GALR3: variants seen among roughly 807,000 people sequenced by gnomAD.
GALR3 encodes the protein galanin receptor type 3.
GALR3 carries 5 observed loss-of-function variants against 6.9 expected under a neutral mutation model. The ratio of observed to expected loss-of-function variants is 0.72; its 90% CI spans 0.38 to 1.52. The LOEUF is 1.52. Ranked by LOEUF, GALR3 falls within the 40% of genes most tolerant of loss-of-function variation. The pLI is 0.03. For missense variants in GALR3, 570 were observed against 545.6 expected, an observed-to-expected ratio of 1.04 and a Z score of -0.44; for synonymous variants, 308 against 263.6, an observed-to-expected ratio of 1.17 and a Z score of -1.63.
At position 37,824,743 on chromosome 22, in the gene GALR3, C is replaced by G. The variant is rs1922545020; in HGVS notation, c.380C>G (p.Pro127Arg). 6 of 1,239,062 alleles carry G rather than the reference C, an allele frequency of 4.8e-6. No homozygotes were observed. Among genetic ancestry groups the G allele is most frequent in the Non-Finnish European group, 6.1e-6 (6 of 991,354 alleles). The allele number at this position is 1,239,062 out of a possible 1,614,324, so 76.8% of individuals were successfully genotyped here. A position where few individuals can be genotyped will look rare whatever the true frequency, so the allele number is the denominator to read the frequency against. The change falls in exon 2 of 2, where the codon CCG becomes CGG. Residue 127 changes from proline to arginine, a missense_variant. Pro to Arg is a moderately radical substitution (Grantham distance 103, BLOSUM62 -2). Coordinates refer to ENST00000249041, the MANE Select transcript of GALR3 (RefSeq NM_003614.2). ...SVDRYLAVRHPLRSRALRTPR... is the reference protein window; with the variant it reads ...SVDRYLAVRHRLRSRALRTPR... ...CGCAGGTACCTGGCCGTGCGGCACC[C>G]GCTGCGCTCGCGCGCCCTGCGCACG...
chr22:37,823,690 G>A lies in GALR3; in HGVS notation c.284G>A (p.Cys95Tyr), dbSNP rs1293655154. ...LDAWLFGALV[C>Y]KAVHLLIYLT... ...GCCTGGCTCTTTGGGGCCCTCGTCTGCAAGGCCGTGCACCTGCTCATCTAC... is the reference window on the plus strand; with the variant it reads ...GCCTGGCTCTTTGGGGCCCTCGTCTACAAGGCCGTGCACCTGCTCATCTAC... The change falls in exon 1 of 2, where the codon TGC (cysteine) becomes TAC (tyrosine). Residue 95 changes from cysteine (C) to tyrosine (Y), a missense_variant. Cys to Tyr is a radical substitution (Grantham distance 194, BLOSUM62 -2). Coordinates refer to ENST00000249041, the MANE Select transcript of GALR3 (RefSeq NM_003614.2). 1.2e-6 allele frequency: 2 copies of A among 1,613,792 alleles called. No individual in the cohort carries two copies. Among genetic ancestry groups the A allele is most frequent in the South Asian group, 1.1e-5 (1 of 91,076 alleles).
rs760511073 is a variant in GALR3 at position 37,825,096 on chromosome 22, G to C, written c.733G>C (p.Ala245Pro). Residue 245 changes from alanine to proline, a missense_variant, in exon 2 of 2, where the codon GCG (alanine) becomes CCG (proline). By Grantham distance (27) the Ala-to-Pro change is conservative. Transcript: ENST00000249041. ...CATGCTGGCGGTGGCCGCGCTCTAC[G>C]CGCTCTGCTGGGGTCCGCACCACGC... ...RAMLAVAALY[A>P]LCWGPHHALI... 19 of 1,259,468 alleles carry C rather than the reference G, an allele frequency of 1.5e-5. No individual in the cohort carries two copies. Among genetic ancestry groups the C allele is most frequent in the Non-Finnish European group, 1.9e-5 (19 of 991,092 alleles). 78.0% of individuals were successfully genotyped at this position (1,259,468 alleles called of 1,614,324 possible). A position where few individuals can be genotyped will look rare whatever the true frequency, so the allele number is the denominator to read the frequency against.
Position 37,823,532 on chromosome 22 carries a change from C to G in GALR3, c.126C>G (p.Leu42=). The G allele has an allele frequency of 6.2e-7, 1 of 1,613,910 alleles. No individual in the cohort carries two copies. The highest frequency in any genetic ancestry group is 8.5e-7 in the Non-Finnish European group (1 of 1,179,932). ...GCAATGGGCTGGTGCTGGCAGTGCTCCTGCAGCCTGGCCCGAGTGCCTGGC... is the reference window on the plus strand; with the variant it reads ...GCAATGGGCTGGTGCTGGCAGTGCTGCTGCAGCCTGGCCCGAGTGCCTGGC... ...TVGNGLVLAV[L]LQPGPSAWQE... is the part of the protein sequence containing the mutation. The change falls in exon 1 of 2, where the codon CTC becomes CTG. Residue 42 remains leucine, a synonymous_variant. Transcript: ENST00000249041.
Position 37,825,161 on chromosome 22 carries a change from C to T in GALR3, c.798C>T (p.Ser266=). 1.3e-6 allele frequency: 2 copies of T among 1,487,572 alleles called. No individual in the cohort carries two copies. Among genetic ancestry groups the T allele is most frequent in the East Asian group, 2.8e-5 (1 of 35,412 alleles). 92.1% of individuals were successfully genotyped at this position (1,487,572 alleles called of 1,614,324 possible). ...LCFWYGRFAF[S]PATYACRLAS... is the part of the protein sequence containing the mutation. ...TCTGGTACGGCCGCTTCGCCTTCAG[C>T]CCGGCCACCTACGCCTGCCGCCTGG... Residue 266 remains serine (S), a synonymous_variant, in exon 2 of 2, where the codon AGC becomes AGT. Coordinates refer to ENST00000249041, the MANE Select transcript of GALR3 (RefSeq NM_003614.2).
In GALR3 at chr22:37,823,648, C is replaced by T; in HGVS notation, c.242C>T (p.Thr81Ile). ...FILCCVPFQA[T>I]IYTLDAWLFG... is the part of the protein sequence containing the mutation. ...CTGTGCTGCGTGCCCTTCCAGGCCACCATCTACACGCTGGATGCCTGGCTC... is the reference window on the plus strand; with the variant it reads ...CTGTGCTGCGTGCCCTTCCAGGCCATCATCTACACGCTGGATGCCTGGCTC... The change falls in exon 1 of 2, where the codon ACC becomes ATC. Residue 81 changes from threonine (T) to isoleucine (I), a missense_variant. Physicochemically the swap from Thr to Ile is moderately conservative, Grantham distance 89. Transcript: ENST00000249041. The T allele has an allele frequency of 6.2e-7, 1 of 1,613,082 alleles. No individual in the cohort carries two copies. Among genetic ancestry groups the T allele is most frequent in the Non-Finnish European group, 8.5e-7 (1 of 1,179,612 alleles).
chr22:37,825,188 C>T lies in GALR3; in HGVS notation c.825C>T (p.Ala275=), dbSNP rs1922572106. ...CGGCCACCTACGCCTGCCGCCTGGC[C>T]TCACACTGCCTGGCCTACGCCAACT... ...FSPATYACRL[A]SHCLAYANSC... is the part of the protein sequence containing the mutation. The change falls in exon 2 of 2, where the codon GCC becomes GCT. Residue 275 remains alanine (A), a synonymous_variant. Transcript: ENST00000249041. The T allele has an allele frequency of 4.7e-6, 7 of 1,492,164 alleles. No homozygotes were observed. Among genetic ancestry groups the T allele is most frequent in the South Asian group, 1.2e-5 (1 of 83,318 alleles). The allele number at this position is 1,492,164 out of a possible 1,614,324, so 92.4% of individuals were successfully genotyped here. A position where few individuals can be genotyped will look rare whatever the true frequency, so the allele number is the denominator to read the frequency against.
chr22:37,823,453 G>A lies in GALR3; in HGVS notation c.47G>A (p.Gly16Glu), dbSNP rs1007315255. The A allele has an allele frequency of 1.9e-6, 3 of 1,611,124 alleles. No homozygotes were observed. In the Admixed American group the frequency reaches 5.0e-5, roughly 27 times the overall value. Residue 16 changes from glycine (G) to glutamate (E), a missense_variant, in exon 1 of 2, where the codon GGG (glycine) becomes GAG (glutamate). Physicochemically the swap from Gly to Glu is moderately conservative, Grantham distance 98. Transcript: ENST00000249041. ...TCACTGGACAGCCCAGGGAGTGTGG[G>A]GGCCGTGGCAGTGCCTGTGGTCTTT... ...NISLDSPGSVGAVAVPVVFAL... is the reference protein window; with the variant it reads ...NISLDSPGSVEAVAVPVVFAL...
rs1922509854 is a variant in GALR3, at chr22:37,823,670, G to A, written c.264G>A (p.Trp88Ter). 1 of 1,613,986 alleles carries A rather than the reference G, an allele frequency of 6.2e-7. No homozygotes were observed. Among genetic ancestry groups the A allele is most frequent in the Non-Finnish European group, 8.5e-7 (1 of 1,179,974 alleles). Reference sequence around the variant, plus strand: ...CCACCATCTACACGCTGGATGCCTGGCTCTTTGGGGCCCTCGTCTGCAAGG... The same window carrying A: ...CCACCATCTACACGCTGGATGCCTGACTCTTTGGGGCCCTCGTCTGCAAGG... ...FQATIYTLDA[W>*]LFGALVCKAV... The change falls in exon 1 of 2, where the codon TGG (tryptophan) becomes TGA (stop). Residue 88 changes from tryptophan to a stop codon, truncating the protein, a stop_gained. Transcript: ENST00000249041. LOFTEE classifies it high-confidence loss of function.
At position 37,823,698 on chromosome 22, in the gene GALR3, G is replaced by C. The variant is rs376376925; in HGVS notation, c.292G>C (p.Val98Leu). The C allele has an allele frequency of 1.2e-6, 2 of 1,613,540 alleles. No homozygotes were observed. The highest frequency in any genetic ancestry group is 4.5e-5 in the East Asian group (2 of 44,874). ...WLFGALVCKAVHLLIYLTMYA... is the reference protein window; with the variant it reads ...WLFGALVCKALHLLIYLTMYA... ...CTTTGGGGCCCTCGTCTGCAAGGCC[G>C]TGCACCTGCTCATCTACCTCACCAT... Residue 98 changes from valine (V) to leucine (L), a missense_variant, in exon 1 of 2, where the codon GTG (valine) becomes CTG (leucine). By Grantham distance (32) the Val-to-Leu change is conservative. Coordinates refer to ENST00000249041, the MANE Select transcript of GALR3 (RefSeq NM_003614.2).
chr22:37,824,681 G>GGAGGGCACCTGCCC, intron 1 of GALR3, 42 bp from the exon 2 acceptor site: 1 of 1,167,800 alleles, frequency 8.6e-7, no homozygotes, highest in Non-Finnish European at 1.1e-6. Context: ...GGCCCCTGCG[G>GGAGGGCACCTGCCC]GAGGGCACCT....
chr22:37,824,525 A>G lies in GALR3; in HGVS notation c.360-198A>G, dbSNP rs532444073. Among the ~76,000 whole-genome samples the G allele has an allele frequency of 3.3e-5, 5 of 152,214 alleles. No individual in the cohort carries two copies. In the South Asian group the frequency reaches 1.0e-3, roughly 32 times the overall value. On this transcript the variant is annotated intron_variant, in intron 1 of 1. Transcript: ENST00000249041. ...TCTGACGCATCCATAAAATAATCCTAGAAATAACAAGTCACCGGGATCGGG... is the reference window on the plus strand; with the variant it reads ...TCTGACGCATCCATAAAATAATCCTGGAAATAACAAGTCACCGGGATCGGG...
chr22:37,825,026 G>A lies in GALR3; in HGVS notation c.663G>A (p.Ala221=). 8.7e-7 allele frequency: 1 copy of A among 1,154,790 alleles called. No homozygotes were observed. Among genetic ancestry groups the A allele is most frequent in the Non-Finnish European group, 1.1e-6 (1 of 938,864 alleles). 71.5% of individuals were successfully genotyped at this position (1,154,790 alleles called of 1,614,324 possible). Residue 221 remains alanine (A), a synonymous_variant, in exon 2 of 2, where the codon GCG becomes GCA. Coordinates refer to ENST00000249041, the MANE Select transcript of GALR3 (RefSeq NM_003614.2). The stretch of plus-strand genomic sequence containing the variant: ...CCGCCGTGGGTCCCGCGGGCGCGGC[G>A]GCGGCCGAGGCGCGGCGGAGGGCGA... ...LWAAVGPAGA[A]AAEARRRATG...
rs751089088 is a variant in GALR3, at chr22:37,825,269, CCGCCGCCTGTGGCCGTGCGGCCGCCGA to C, written c.914_940del (p.Leu305_Arg313del). 7.2e-7 allele frequency: 1 copy of C among 1,395,954 alleles called. No individual in the cohort carries two copies. The highest frequency in any genetic ancestry group is 9.4e-7 in the Non-Finnish European group (1 of 1,066,718). The allele number at this position is 1,395,954 out of a possible 1,614,324, so 86.5% of individuals were successfully genotyped here. A position where few individuals can be genotyped will look rare whatever the true frequency, so the allele number is the denominator to read the frequency against. ...CCTCGCGCCACTTCCGCGCGCGCTT[CCGCCGCCTGTGGCCGTGCGGCCGCCGA>C]CGCCGCCACCGTGCCCGCCGCGCCT... On this transcript the variant is annotated inframe_deletion, in exon 2 of 2. Transcript: ENST00000249041.
rs1341803799 is a variant in GALR3 at position 37,825,056 on chromosome 22, C to T, written c.693C>T (p.Gly231=). The T allele has an allele frequency of 3.5e-6, 4 of 1,135,254 alleles. No homozygotes were observed. Among genetic ancestry groups the T allele is most frequent in the Non-Finnish European group, 4.3e-6 (4 of 925,870 alleles). 70.3% of individuals were successfully genotyped at this position (1,135,254 alleles called of 1,614,324 possible). ...CCGAGGCGCGGCGGAGGGCGACGGGCCGCGCGGGGCGCGCCATGCTGGCGG... is the reference window on the plus strand; with the variant it reads ...CCGAGGCGCGGCGGAGGGCGACGGGTCGCGCGGGGCGCGCCATGCTGGCGG... ...AAAEARRRAT[G]RAGRAMLAVA... Residue 231 remains glycine (G), a synonymous_variant, in exon 2 of 2, where the codon GGC becomes GGT. Transcript: ENST00000249041.
At chr22:37,824,662 C>A (rs1310158678) in intron 1 of GALR3, 61 bp from the exon 2 acceptor site, 7 of 1,055,954 alleles carry the variant, frequency 6.6e-6, no homozygotes, top group Non-Finnish European at 5.9e-6. Flanking sequence ...GGGCGCGGGA[C>A]GTGGCGCGGG....
Position 37,825,062 on chromosome 22 carries a change from G to C in GALR3, c.699G>C (p.Ala233=). 2 of 1,137,710 alleles carry C rather than the reference G, an allele frequency of 1.8e-6. No homozygotes were observed. The highest frequency in any genetic ancestry group is 4.2e-5 in the South Asian group (1 of 23,768). 70.5% of individuals were successfully genotyped at this position (1,137,710 alleles called of 1,614,324 possible). ...AEARRRATGR[A]GRAMLAVAAL... The stretch of plus-strand genomic sequence containing the variant: ...CGCGGCGGAGGGCGACGGGCCGCGC[G>C]GGGCGCGCCATGCTGGCGGTGGCCG... The change falls in exon 2 of 2, where the codon GCG becomes GCC. Residue 233 remains alanine, a synonymous_variant. Transcript: ENST00000249041.
In GALR3 at chr22:37,823,578, G is replaced by C; in HGVS notation, c.172G>C (p.Asp58His). The change falls in exon 1 of 2, where the codon GAC becomes CAC. Residue 58 changes from aspartate (D) to histidine (H), a missense_variant. Asp to His is a moderately conservative substitution (Grantham distance 81, BLOSUM62 -1). Coordinates refer to ENST00000249041, the MANE Select transcript of GALR3 (RefSeq NM_003614.2). ...CTGGCAGGAGCCTGGCAGCACCACG[G>C]ACCTGTTCATCCTCAACCTGGCGGT... ...SAWQEPGSTTDLFILNLAVAD... is the reference protein window; with the variant it reads ...SAWQEPGSTTHLFILNLAVAD... 1 of 1,613,982 alleles carries C rather than the reference G, an allele frequency of 6.2e-7. No homozygotes were observed. Among genetic ancestry groups the C allele is most frequent in the East Asian group, 2.2e-5 (1 of 44,892 alleles).
rs1420541057 is a variant in GALR3, at chr22:37,823,662, G to C, written c.256G>C (p.Asp86His). The C allele has an allele frequency of 6.2e-7, 1 of 1,614,026 alleles. No individual in the cohort carries two copies. Among genetic ancestry groups the C allele is most frequent in the East Asian group, 2.2e-5 (1 of 44,874 alleles). The change falls in exon 1 of 2, where the codon GAT becomes CAT. Residue 86 changes from aspartate (D) to histidine (H), a missense_variant. Asp to His is a moderately conservative substitution (Grantham distance 81). Coordinates refer to ENST00000249041, the MANE Select transcript of GALR3 (RefSeq NM_003614.2). Reference protein sequence around the residue: ...VPFQATIYTLDAWLFGALVCK... With the variant: ...VPFQATIYTLHAWLFGALVCK... ...CTTCCAGGCCACCATCTACACGCTG[G>C]ATGCCTGGCTCTTTGGGGCCCTCGT... is the stretch of plus-strand genomic sequence containing the variant.
Position 37,824,754 on chromosome 22 carries a change from C to T in GALR3, c.391C>T (p.Arg131Cys). The change falls in exon 2 of 2, where the codon CGC (arginine) becomes TGC (cysteine). Residue 131 changes from arginine to cysteine, a missense_variant. Physicochemically the swap from Arg to Cys is radical, Grantham distance 180 (BLOSUM62 -3). Transcript: ENST00000249041. ...GGCCGTGCGGCACCCGCTGCGCTCG[C>T]GCGCCCTGCGCACGCCGCGTAACGC... is the stretch of plus-strand genomic sequence containing the variant. ...YLAVRHPLRS[R>C]ALRTPRNARA... 2 of 1,256,874 alleles carry T rather than the reference C, an allele frequency of 1.6e-6. No individual in the cohort carries two copies. The highest frequency in any genetic ancestry group is 2.8e-5 in the South Asian group (1 of 35,364). 77.9% of individuals were successfully genotyped at this position (1,256,874 alleles called of 1,614,324 possible).
Sources: allele counts gnomAD v4.1 joint callset (sites outside exome capture counted in the v4.1 genomes callset), GRCh38; gene constraint gnomAD v4.1.1; transcripts MANE v1.5; gene names NCBI Gene and HGNC (gene_info 2026-07-23, HGNC 2026-07-21).